GALNT15: variants seen among roughly 807,000 people sequenced by gnomAD.
The protein encoded by GALNT15 is polypeptide N-acetylgalactosaminyltransferase 15.
A neutral mutation model predicts 66.8 loss-of-function variants in GALNT15; 67 were observed. The ratio of observed to expected loss-of-function variants is 1.00; its 90% CI spans 0.82 to 1.23. GALNT15 has a LOEUF of 1.23. GALNT15 is among the 50% of genes most tolerant of loss of function. The probability of loss-of-function intolerance (pLI) is 0.00; values close to 1 mark genes in which losing one functional copy is unlikely to be tolerated. For synonymous variants in GALNT15, 313 were observed against 311.5 expected, an observed-to-expected ratio of 1.00 and a Z score of -0.05; for missense variants, 827 against 804.3, an observed-to-expected ratio of 1.03 and a Z score of -0.34.
intron 6 of GALNT15, among the ~76,000 whole-genome samples, chr3:16,218,269 G>C (rs865851495): frequency 1.3e-5 from 2 of 152,280 alleles, no homozygotes; most frequent in African/African-American, 4.8e-5. Context: ...TGGTGGACCC[G>C]TGTCTTACTG....
At chr3:16,205,658 G>T (rs1285949914) in intron 3 of GALNT15, among the ~76,000 whole-genome samples, 1 of 152,212 alleles carries the variant, frequency 6.6e-6, no homozygotes, top group Non-Finnish European at 1.5e-5. Context: ...AGACACATCG[G>T]TAGGTACAAA....
chr3:16,235,053 G>T (rs1419913695), downstream of GALNT15, among the ~76,000 whole-genome samples: 1 of 151,778 alleles, frequency 6.6e-6, no homozygotes, highest in African/African-American at 2.4e-5. Flanking sequence ...CTCCCAAGTA[G>T]TTGGGACTAC....
At chr3:16,208,878 A>G (rs182495470) in intron 4 of GALNT15, among the ~76,000 whole-genome samples, 64 of 152,342 alleles carry the variant, frequency 4.2e-4, no homozygotes, top group African/African-American at 1.5e-3. Context: ...TGAATGAACT[A>G]ATATGTGAAA....
At position 16,175,539 on chromosome 3, in the gene GALNT15, G is replaced by A; in HGVS notation, c.388G>A (p.Ala130Thr). ...GCAGCCAAGGAGGCAGGATAAGGAA[G>A]CCCCAAAGAGGGACTGGGGGGCTGA... ...IKQPRRQDKE[A>T]PKRDWGADED... The change falls in exon 1 of 10, where the codon GCC (alanine) becomes ACC (threonine). Residue 130 changes from alanine to threonine, a missense_variant. Physicochemically the swap from Ala to Thr is moderately conservative, Grantham distance 58 (BLOSUM62 0). Coordinates refer to ENST00000339732, the MANE Select transcript of GALNT15 (RefSeq NM_054110.5). This position sits in a 1 kb window ranked among gnomAD's most constrained non-coding sequence, Gnocchi z 5.6. The A allele has an allele frequency of 1.9e-6, 3 of 1,614,056 alleles. No homozygotes were observed. Among genetic ancestry groups the A allele is most frequent in the Non-Finnish European group, 2.5e-6 (3 of 1,179,976 alleles).
chr3:16,207,501 TAAAAAAAAAAAAA>T (rs36127239), intron 3 of GALNT15, among the ~76,000 whole-genome samples: 12,202 of 39,564 alleles, frequency 0.31, 2,977 homozygotes, highest in East Asian at 0.4. Context: ...CTCCAGGCTG[TAAAAAAAAAAAAA>T]AAAAAAAAAA....
Position 16,211,661 on chromosome 3 carries a change from T to C in GALNT15, c.1197+420T>C, listed in dbSNP as rs549635149. Among the ~76,000 whole-genome samples the C allele has an allele frequency of 6.6e-6, 1 of 152,364 alleles. No homozygotes were observed. Among genetic ancestry groups the C allele is most frequent in the East Asian group, 1.9e-4 (1 of 5,192 alleles). On this transcript the variant is annotated intron_variant, in intron 5 of 9. Transcript: ENST00000339732. This position sits in a 1 kb window ranked among gnomAD's most constrained non-coding sequence, Gnocchi z 4.3. ...ATACTTGTCATAAAAACTTAGCACC[T>C]GTTGGGCACCACACAACTTCTCAAA...
chr3:16,222,903 C>T (rs2063961791), intron 9 of GALNT15, 145 bp downstream of exon 9: 1 of 967,366 alleles, frequency 1.0e-6, no homozygotes, highest in Non-Finnish European at 1.5e-6. Context: ...GCAGTAAGGC[C>T]TCAGGGGGAG....
chr3:16,211,295 G>A lies in GALNT15; in HGVS notation c.1197+54G>A. On this transcript the variant is annotated intron_variant, in intron 5 of 9. Transcript: ENST00000339732. The surrounding 1 kb of genome is among the most constrained non-coding windows in gnomAD (Gnocchi z 4.3). The stretch of plus-strand genomic sequence containing the variant: ...GTGGGATCTCTGGAGTGGTGTGTAT[G>A]GTCACAGCTCAGAGGCAGGCATTAG... The A allele has an allele frequency of 8.9e-7, 1 of 1,124,500 alleles. No individual in the cohort carries two copies. Among genetic ancestry groups the A allele is most frequent in the Non-Finnish European group, 1.4e-6 (1 of 735,920 alleles). 69.7% of individuals were successfully genotyped at this position (1,124,500 alleles called of 1,614,324 possible). A position where few individuals can be genotyped will look rare whatever the true frequency, so the allele number is the denominator to read the frequency against.
the GALNT15 span, among the ~76,000 whole-genome samples, chr3:16,239,482 T>C: frequency 6.6e-6 from 1 of 152,210 alleles, no homozygotes; most frequent in South Asian, 2.1e-4. The surrounding 1 kb of genome is among the most constrained non-coding windows in gnomAD (Gnocchi z 5.2). Flanking sequence ...AATTCCTGGG[T>C]ATTATCCATT....
rs1235740693 is a variant in GALNT15 at position 16,181,770 on chromosome 3, C to T, written c.539+6080C>T. Among the ~76,000 whole-genome samples the T allele has an allele frequency of 1.3e-5, 2 of 152,172 alleles. No homozygotes were observed. Among genetic ancestry groups the T allele is most frequent in the Non-Finnish European group, 1.5e-5 (1 of 68,036 alleles). On this transcript the variant is annotated intron_variant, in intron 1 of 9. Transcript: ENST00000339732. The surrounding 1 kb of genome is among the most constrained non-coding windows in gnomAD (Gnocchi z 5.9). ...TGGGGCTGGAACTTAGCTCAATTCC[C>T]CCCACAAGAGAGGGAAGACAACCCA... is the stretch of plus-strand genomic sequence containing the variant.
chr3:16,211,156 T>C lies in GALNT15; in HGVS notation c.1112T>C (p.Met371Thr). 3 of 1,613,978 alleles carry C rather than the reference T, an allele frequency of 1.9e-6. No individual in the cohort carries two copies. Among genetic ancestry groups the C allele is most frequent in the African/African-American group, 1.3e-5 (1 of 75,046 alleles). The change falls in exon 5 of 10, where the codon ATG becomes ACG. Residue 371 changes from methionine to threonine, a missense_variant. Physicochemically the swap from Met to Thr is moderately conservative, Grantham distance 81 (BLOSUM62 -1). Transcript: ENST00000339732. The surrounding 1 kb of genome is among the most constrained non-coding windows in gnomAD (Gnocchi z 4.3). ...GTGGTGCCCGGAGAGGTGGTGGCCA[T>C]GGACAGACATTACTTCCAAAACACT... ...SPVVPGEVVA[M>T]DRHYFQNTGA...
chr3:16,243,981 G>T, the GALNT15 span: 1 of 984,810 alleles, frequency 1.0e-6, no homozygotes, highest in Non-Finnish European at 1.2e-6. Flanking sequence ...AGACCTGGGG[G>T]TTGATGACTT....
rs543719547 is a variant in GALNT15, at chr3:16,188,187, G to A, written c.540-7573G>A. ...CGGCTGTATATACTTGTAAGGGGGCGTCTCAGAGGAAAAGAATCACAGAAG... is the reference window on the plus strand; with the variant it reads ...CGGCTGTATATACTTGTAAGGGGGCATCTCAGAGGAAAAGAATCACAGAAG... On this transcript the variant is annotated intron_variant, in intron 1 of 9. Coordinates refer to ENST00000339732, the MANE Select transcript of GALNT15 (RefSeq NM_054110.5). This position sits in a 1 kb window ranked among gnomAD's most constrained non-coding sequence, Gnocchi z 4.6. 2.6e-4 allele frequency among the ~76,000 whole-genome samples: 40 copies of A among 152,342 alleles called. No individual in the cohort carries two copies. Among genetic ancestry groups the A allele is most frequent in the Admixed American group, 1.8e-3 (28 of 15,300 alleles).
At chr3:16,196,803 A>G (rs2063643667) in intron 2 of GALNT15, among the ~76,000 whole-genome samples, 1 of 152,184 alleles carries the variant, frequency 6.6e-6, no homozygotes, top group South Asian at 2.1e-4. Flanking sequence ...GCACAACTAA[A>G]TGACCTAGGG....
chr3:16,226,042 CCTT>C (rs768848873), intron 9 of GALNT15, among the ~76,000 whole-genome samples: 1 of 145,178 alleles, frequency 6.9e-6, no homozygotes, highest in Non-Finnish European at 1.5e-5. Context: ...GAGCAAGACT[CCTT>C]CTTGGAAAAA....
chr3:16,227,491 T>C lies in GALNT15; in HGVS notation c.1911T>C (p.Asp637=), dbSNP rs566526323. ...GTTTTGACCAGATCAATGCTGTGGA[T>C]GAACGATGAATGTCAATGTCAGAAG... ...QWRFDQINAV[D]ER is the part of the protein sequence containing the mutation. Residue 637 remains aspartate, a synonymous_variant, in exon 10 of 10, where the codon GAT becomes GAC. Transcript: ENST00000339732. The surrounding 1 kb of genome is among the most constrained non-coding windows in gnomAD (Gnocchi z 4.5). The C allele has an allele frequency of 1.9e-6, 3 of 1,614,160 alleles. No individual in the cohort carries two copies. In the South Asian group the frequency reaches 3.3e-5, roughly 18 times the overall value.
rs879506600 is a variant in GALNT15 at position 16,229,420 on chromosome 3, GTA to G, written c.*1922_*1923del. 6.6e-6 allele frequency: 6 copies of G among 903,064 alleles called. No individual in the cohort carries two copies. The highest frequency in any genetic ancestry group is 7.9e-6 in the Non-Finnish European group (6 of 754,924). The allele number at this position is 903,064 out of a possible 1,614,324, so 55.9% of individuals were successfully genotyped here. A position where few individuals can be genotyped will look rare whatever the true frequency, so the allele number is the denominator to read the frequency against. ...CCTGTGGCTAGGGTCTACTTCTACT[GTA>G]TTGGCGAGCATGGATATAGAACATT... On this transcript the variant is annotated 3_prime_UTR_variant, in exon 10 of 10. Transcript: ENST00000339732.
At chr3:16,202,422 C>T (rs2063713412) in intron 3 of GALNT15, among the ~76,000 whole-genome samples, 1 of 152,196 alleles carries the variant, frequency 6.6e-6, no homozygotes, top group Non-Finnish European at 1.5e-5. Context: ...CACCTGAGGT[C>T]AGGAGTTCGA....
chr3:16,222,884 AGTGG>A, intron 9 of GALNT15, 126 bp downstream of exon 9: 1 of 1,154,236 alleles, frequency 8.7e-7, no homozygotes, highest in Non-Finnish European at 1.2e-6. Flanking sequence ...TTTTGAACTT[AGTGG>A]CTGGGCAGTA....
Sources: allele counts gnomAD v4.1 joint callset (sites outside exome capture counted in the v4.1 genomes callset), GRCh38; gene constraint gnomAD v4.1.1; non-coding constraint Gnocchi (gnomAD v3.1); transcripts MANE v1.5; gene names NCBI Gene and HGNC (gene_info 2026-07-23, HGNC 2026-07-21).